The following DAGLA variants were observed in gnomAD, a reference collection of about 807,000 sequenced individuals.
DAGLA encodes the protein diacylglycerol lipase-alpha.
DAGLA carries 22 observed loss-of-function variants against 102.6 expected under a neutral mutation model. The observed-to-expected ratio is 0.21, with a 90% CI of 0.15 to 0.31. The LOEUF is 0.31. DAGLA is among the 10% of genes least tolerant of loss of function. DAGLA has a pLI of 1.00. For synonymous variants in DAGLA, 578 were observed against 628.9 expected, an observed-to-expected ratio of 0.92 and a Z score of 1.21; for missense variants, 927 against 1,446.6, an observed-to-expected ratio of 0.64 and a Z score of 5.83.
chr11:61,741,108 C>T (rs1334587973), intron 18 of DAGLA, 54 bp from the exon 19 acceptor site: 14 of 1,508,938 alleles, frequency 9.3e-6, no homozygotes, highest in Admixed American at 7.7e-5. Context: ...ATCGGCCCCA[C>T]GATGGGGCCT....
intron 10 of DAGLA, among the ~76,000 whole-genome samples, chr11:61,735,257 G>T (rs566717112): frequency 3.3e-4 from 51 of 152,324 alleles, no homozygotes; most frequent in African/African-American, 1.2e-3. Flanking sequence ...CCGAGCCCTA[G>T]CCCTTTAGGG....
chr11:61,685,311 T>C (rs1197480669), intron 1 of DAGLA, among the ~76,000 whole-genome samples: 1 of 152,228 alleles, frequency 6.6e-6, no homozygotes, highest in Non-Finnish European at 1.5e-5. Flanking sequence ...AAAATGTTTT[T>C]GCTCTTGCGG....
chr11:61,712,524 G>A (rs1169913952), intron 1 of DAGLA, among the ~76,000 whole-genome samples: 3 of 152,218 alleles, frequency 2.0e-5, no homozygotes, highest in East Asian at 1.9e-4. Flanking sequence ...AGGCCTGGGC[G>A]TGTGAGGACC....
At position 61,720,717 on chromosome 11, in the gene DAGLA, A is replaced by C; in HGVS notation, c.134A>C (p.Tyr45Ser). ...ILSVVLFGLV[Y>S]NPHEACSLNL... is the part of the protein sequence containing the mutation. The stretch of plus-strand genomic sequence containing the variant: ...TCCGTGGTGCTCTTCGGCCTGGTCT[A>C]TAACCCGCACGAGGCCTGCTCCCTG... The change falls in exon 3 of 20, where the codon TAT becomes TCT. Residue 45 changes from tyrosine to serine, a missense_variant. Coordinates refer to ENST00000257215, the MANE Select transcript of DAGLA (RefSeq NM_006133.3). 1 of 1,613,972 alleles carries C rather than the reference A, an allele frequency of 6.2e-7. No individual in the cohort carries two copies. Among genetic ancestry groups the C allele is most frequent in the Non-Finnish European group, 8.5e-7 (1 of 1,180,034 alleles).
rs1220233224 is a variant in DAGLA, at chr11:61,740,444, C to T, written c.1854-19C>T. ...CCACCACCCCACCCTTAACTCCCCT[C>T]TGTCCATGTCCCTCTCAGCTGCTGT... On this transcript the variant is annotated intron_variant, in intron 17 of 19. Coordinates refer to ENST00000257215, the MANE Select transcript of DAGLA (RefSeq NM_006133.3). The T allele has an allele frequency of 1.2e-6, 2 of 1,611,516 alleles. No individual in the cohort carries two copies. Among genetic ancestry groups the T allele is most frequent in the African/African-American group, 1.3e-5 (1 of 74,900 alleles).
intron 2 of DAGLA, 44 bp downstream of exon 2, chr11:61,720,294 A>G (rs765537453): frequency 1.3e-6 from 2 of 1,578,750 alleles, no homozygotes; most frequent in South Asian, 1.1e-5. Flanking sequence ...TTTGGAGAGA[A>G]AGGTCTGGAA....
At chr11:61,738,778 C>T (rs61896065) in intron 16 of DAGLA, among the ~76,000 whole-genome samples, 26,790 of 152,134 alleles carry the variant, frequency 0.18, 2,621 homozygotes, top group South Asian at 0.31. Context: ...CTGAGGCAGG[C>T]CAGCGCAGGA....
intron 1 of DAGLA, among the ~76,000 whole-genome samples, chr11:61,718,755 C>G (rs1056537797): frequency 6.6e-6 from 1 of 152,210 alleles, no homozygotes; most frequent in Non-Finnish European, 1.5e-5. Flanking sequence ...CCCCGGCAGG[C>G]TAGCCCGCCA....
chr11:61,688,908 C>T (rs2135549302), intron 1 of DAGLA, among the ~76,000 whole-genome samples: 1 of 152,378 alleles, frequency 6.6e-6, no homozygotes, highest in Admixed American at 6.5e-5. Context: ...ATCAGCTTTA[C>T]TCGGAGCGCA....
chr11:61,722,704 C>CGG (rs1283717935), intron 3 of DAGLA, among the ~76,000 whole-genome samples, 155 bp from the exon 4 acceptor site: 1 of 136,522 alleles, frequency 7.3e-6, no homozygotes, highest in East Asian at 2.5e-4. Flanking sequence ...GCCTGGGAGG[C>CGG]GGGGGGTGGG....
intron 1 of DAGLA, among the ~76,000 whole-genome samples, chr11:61,680,957 G>T (rs2064937128): frequency 6.6e-6 from 1 of 152,184 alleles, no homozygotes; most frequent in South Asian, 2.1e-4. Context: ...GATGGTTCTG[G>T]CCTTGGGCTT....
rs978084977 is a variant in DAGLA at position 61,684,786 on chromosome 11, G to A, written c.-45+4282G>A. On this transcript the variant is annotated intron_variant, in intron 1 of 19. Coordinates refer to ENST00000257215, the MANE Select transcript of DAGLA (RefSeq NM_006133.3). The surrounding 1 kb of genome is among the most constrained non-coding windows in gnomAD (Gnocchi z 4.5). ...GTGGTGTGGGAGCGCGCAGGCTCCC[G>A]TGTCTGGCTGGCCTGGTGTTGGTGG... 5.3e-5 allele frequency among the ~76,000 whole-genome samples: 8 copies of A among 152,230 alleles called. No homozygotes were observed. The highest frequency in any genetic ancestry group is 1.4e-4 in the African/African-American group (6 of 41,548).
chr11:61,737,409 G>T (rs2065432570), intron 14 of DAGLA, 85 bp downstream of exon 14: 1 of 1,571,382 alleles, frequency 6.4e-7, no homozygotes, highest in Admixed American at 1.7e-5. Flanking sequence ...GGCTGGACTG[G>T]GAGTCTGACT....
chr11:61,720,573 C>A, intron 2 of DAGLA, 106 bp from the exon 3 acceptor site: 1 of 1,060,438 alleles, frequency 9.4e-7, no homozygotes, highest in South Asian at 1.4e-5. Context: ...TGCCTGCTGC[C>A]AGCCCTCCTT....
intron 1 of DAGLA, among the ~76,000 whole-genome samples, chr11:61,711,290 G>T (rs891595408): frequency 6.6e-6 from 1 of 152,226 alleles, no homozygotes; most frequent in African/African-American, 2.4e-5. Context: ...ACAGAGGCCA[G>T]CAGAACCCGC....
chr11:61,700,902 T>G (rs1319667463), intron 1 of DAGLA, among the ~76,000 whole-genome samples: 1 of 152,224 alleles, frequency 6.6e-6, no homozygotes, highest in Non-Finnish European at 1.5e-5. Flanking sequence ...GTCACTCACA[T>G]GTGGCCCCGG....
Position 61,687,087 on chromosome 11 carries a change from A to G in DAGLA, c.-45+6583A>G, listed in dbSNP as rs534785526. On this transcript the variant is annotated intron_variant, in intron 1 of 19. Transcript: ENST00000257215. Reference sequence around the variant, plus strand: ...GGATGAACTGAACCCAGGAGAGTGTATAGAGGATGTCATTTACTCCTTGCA... The same window carrying G: ...GGATGAACTGAACCCAGGAGAGTGTGTAGAGGATGTCATTTACTCCTTGCA... 2.1e-3 allele frequency among the ~76,000 whole-genome samples: 315 copies of G among 152,306 alleles called. 6 individuals carry two copies. The South Asian group carries it at 0.03, about 15-fold the overall frequency.
intron 1 of DAGLA, among the ~76,000 whole-genome samples, chr11:61,695,521 TC>T (rs1161882344): frequency 6.6e-6 from 1 of 152,134 alleles, no homozygotes; most frequent in Non-Finnish European, 1.5e-5. Context: ...AGCTTTCAGG[TC>T]CTAGGTCCAC....
At chr11:61,738,314 C>A in intron 16 of DAGLA, 107 bp downstream of exon 16, 1 of 928,762 alleles carries the variant, frequency 1.1e-6, no homozygotes, top group Non-Finnish European at 1.6e-6. Context: ...CCATGGAAGG[C>A]CAGGGCAGGG....
Sources: allele counts gnomAD v4.1 joint callset (sites outside exome capture counted in the v4.1 genomes callset), GRCh38; gene constraint gnomAD v4.1.1; non-coding constraint Gnocchi (gnomAD v3.1); transcripts MANE v1.5; gene names NCBI Gene and HGNC (gene_info 2026-07-23, HGNC 2026-07-21).